Variants in TFEB observed in about 807,000 individuals in gnomAD.
The protein encoded by TFEB is transcription factor EB.
In TFEB, 12 loss-of-function variants were observed where a neutral mutation model predicts 48.0. The observed-to-expected ratio is 0.25, with a 90% CI of 0.16 to 0.40. The LOEUF is 0.40. TFEB is among the 10% of genes least tolerant of loss of function. The probability of loss-of-function intolerance (pLI) is 1.00; values close to 1 mark genes in which losing one functional copy is unlikely to be tolerated. For missense variants in TFEB, 509 were observed against 640.3 expected, an observed-to-expected ratio of 0.79 and a Z score of 2.21; for synonymous variants, 244 against 261.4, an observed-to-expected ratio of 0.93 and a Z score of 0.64.
chr6:41,728,452 G>A (rs923496764), intron 1 of TFEB, among the ~76,000 whole-genome samples: 14 of 152,232 alleles, frequency 9.2e-5, no homozygotes, highest in Non-Finnish European at 1.6e-4. Context: ...CAAGGCAGCA[G>A]AAAGTGCACC....
chr6:41,732,965 C>A, intron 1 of TFEB: 1 of 985,478 alleles, frequency 1.0e-6, no homozygotes, highest in Non-Finnish European at 1.2e-6. Flanking sequence ...CTGTTGCCTG[C>A]AGAAACCGAG....
In TFEB at chr6:41,687,891, G is replaced by A. The variant is rs775462939; in HGVS notation, c.670+17C>T. On this transcript the variant is annotated intron_variant, in intron 5 of 8. Coordinates refer to ENST00000373033, the MANE Select transcript of TFEB (RefSeq NM_001271944.2). ...GAGTCGGGTATTCAAAGGCACAGGG[G>A]TAGAGGGAGGCAGTACCTGTGAGCT... 1 of 1,612,254 alleles carries A rather than the reference G, an allele frequency of 6.2e-7. No homozygotes were observed. The highest frequency in any genetic ancestry group is 8.5e-7 in the Non-Finnish European group (1 of 1,178,574).
chr6:41,734,422 G>A lies in TFEB; in HGVS notation c.-23+928C>T. ...GAAGCCGGAACCCCGCGCGGGGAGG[G>A]GGCCGAGCTGGCATCTGCCCGCTCC... On this transcript the variant is annotated intron_variant, in intron 1 of 8. Transcript: ENST00000373033. The surrounding 1 kb of genome is among the most constrained non-coding windows in gnomAD (Gnocchi z 4.0). 1 of 978,484 alleles carries A rather than the reference G, an allele frequency of 1.0e-6. No homozygotes were observed. Among genetic ancestry groups the A allele is most frequent in the Non-Finnish European group, 1.2e-6 (1 of 823,768 alleles). The allele number at this position is 978,484 out of a possible 1,614,324, so 60.6% of individuals were successfully genotyped here.
rs548671605 is a variant in TFEB at position 41,684,391 on chromosome 6, C to A, written c.*208G>T. On this transcript the variant is annotated 3_prime_UTR_variant, in exon 9 of 9. Coordinates refer to ENST00000373033, the MANE Select transcript of TFEB (RefSeq NM_001271944.2). ...GGCTGAAGGCCTCTTCCCACTGCGC[C>A]AGTCAAGAGGGCTGCCCTGGGGGTG... The A allele has an allele frequency of 8.4e-5, 42 of 499,782 alleles. No individual in the cohort carries two copies. The highest frequency in any genetic ancestry group is 7.9e-4 in the African/African-American group (40 of 50,330). The allele number at this position is 499,782 out of a possible 1,614,324, so 31.0% of individuals were successfully genotyped here. A position where few individuals can be genotyped will look rare whatever the true frequency, so the allele number is the denominator to read the frequency against.
intron 1 of TFEB, among the ~76,000 whole-genome samples, chr6:41,704,195 C>T (rs575766100): frequency 6.6e-6 from 1 of 152,330 alleles, no homozygotes; most frequent in Non-Finnish European, 1.5e-5. Context: ...GCCTCTGACC[C>T]CGCCTCCACC....
intron 1 of TFEB, among the ~76,000 whole-genome samples, chr6:41,722,942 G>T (rs954711850): frequency 3.3e-5 from 5 of 152,176 alleles, no homozygotes; most frequent in Admixed American, 3.3e-4. Flanking sequence ...TTACAGATGA[G>T]GAAGCAGAGG....
At position 41,691,502 on chromosome 6, in the gene TFEB, C is replaced by A. The variant is rs756330762; in HGVS notation, c.-22-267G>T. On this transcript the variant is annotated intron_variant, in intron 1 of 8. Coordinates refer to ENST00000373033, the MANE Select transcript of TFEB (RefSeq NM_001271944.2). The surrounding 1 kb of genome is among the most constrained non-coding windows in gnomAD (Gnocchi z 5.2). ...TTGGTAAATCCCAAACTCTAAGAGT[C>A]AACTTCCACTCCTCTCTGTGTCACG... The A allele has an allele frequency of 3.0e-6, 2 of 659,170 alleles. No individual in the cohort carries two copies. The highest frequency in any genetic ancestry group is 3.4e-5 in the South Asian group (2 of 59,370). 40.8% of individuals were successfully genotyped at this position (659,170 alleles called of 1,614,324 possible).
At position 41,724,200 on chromosome 6, in the gene TFEB, C is replaced by T. The variant is rs1771110829; in HGVS notation, c.-23+11150G>A. Among the ~76,000 whole-genome samples, 1 of 152,230 alleles carries T rather than the reference C, an allele frequency of 6.6e-6. No homozygotes were observed. The highest frequency in any genetic ancestry group is 2.4e-5 in the African/African-American group (1 of 41,458). On this transcript the variant is annotated intron_variant, in intron 1 of 8. Transcript: ENST00000373033. The surrounding 1 kb of genome is among the most constrained non-coding windows in gnomAD (Gnocchi z 4.4). ...TCAGTGGTTCCTCAGCCCCCCAGCA[C>T]TTTTTTAGCAGCCTGCCAAAGAGAC...
rs56059829 is a variant in TFEB, at chr6:41,697,408, C to CAAAAAAAAAAAAAAA, written c.-22-6188_-22-6174dup. Among the ~76,000 whole-genome samples, 451 of 63,310 alleles carry CAAAAAAAAAAAAAAA rather than the reference C, an allele frequency of 7.1e-3. 6 individuals carry two copies. The highest frequency in any genetic ancestry group is 0.013 in the African/African-American group (150 of 11,490). The allele number at this position is 63,310 out of a possible 152,430, so 41.5% of individuals were successfully genotyped here. The stretch of plus-strand genomic sequence containing the variant: ...GGGCAACAAGAGTGAAACTCCATCT[C>CAAAAAAAAAAAAAAA]AAAAAAAAAAAAAAAAAAAGAATGA... On this transcript the variant is annotated intron_variant, in intron 1 of 8. Coordinates refer to ENST00000373033, the MANE Select transcript of TFEB (RefSeq NM_001271944.2).
intron 1 of TFEB, 25 bp downstream of exon 1, chr6:41,735,325 C>A (rs1335660940): frequency 1.1e-5 from 11 of 984,876 alleles, no homozygotes; most frequent in Non-Finnish European, 1.3e-5. Context: ...CCTCCTCGTG[C>A]CTCTCGCTCC....
intron 1 of TFEB, among the ~76,000 whole-genome samples, chr6:41,706,912 G>A (rs1770253065): frequency 6.6e-6 from 1 of 152,020 alleles, no homozygotes; most frequent in Non-Finnish European, 1.5e-5. Flanking sequence ...ACCATAAGAA[G>A]CACTCTGCCT....
chr6:41,714,110 CGTGTGTGTGT>C (rs70987525), intron 1 of TFEB, among the ~76,000 whole-genome samples: 1 of 144,190 alleles, frequency 6.9e-6, no homozygotes, highest in African/African-American at 2.7e-5. Context: ...TGTGTGTGCA[CGTGTGTGTGT>C]GTGTGCGTGT....
intron 1 of TFEB, among the ~76,000 whole-genome samples, chr6:41,700,149 C>T (rs752703247): frequency 2.0e-4 from 31 of 152,174 alleles, no homozygotes; most frequent in Admixed American, 3.3e-4. Context: ...CTGACCAACC[C>T]CTATTTGTGA....
intron 1 of TFEB, among the ~76,000 whole-genome samples, chr6:41,696,661 T>C (rs1015531342): frequency 6.6e-6 from 1 of 152,130 alleles, no homozygotes; most frequent in Non-Finnish European, 1.5e-5. Context: ...GCCACTGCAC[T>C]CTAGCCTGGG....
chr6:41,735,889 G>A (rs1241297948), upstream of TFEB, among the ~76,000 whole-genome samples: 1 of 152,196 alleles, frequency 6.6e-6, no homozygotes, highest in Non-Finnish European at 1.5e-5. Context: ...CCCCTAAAAG[G>A]AACCTGCAGC....
intron 1 of TFEB, among the ~76,000 whole-genome samples, chr6:41,732,318 T>C (rs1771487140): frequency 6.6e-6 from 1 of 152,226 alleles, no homozygotes; most frequent in Non-Finnish European, 1.5e-5. Context: ...ATTCCAATCC[T>C]GTCACTTCCA....
intron 1 of TFEB, among the ~76,000 whole-genome samples, chr6:41,719,457 T>C (rs906260722): frequency 3.9e-5 from 6 of 152,198 alleles, no homozygotes; most frequent in Non-Finnish European, 2.9e-5. Flanking sequence ...GGTCTACCAC[T>C]TCTATTTCAC....
chr6:41,721,325 G>A lies in TFEB; in HGVS notation c.-23+14025C>T, dbSNP rs1057203044. On this transcript the variant is annotated intron_variant, in intron 1 of 8. Coordinates refer to ENST00000373033, the MANE Select transcript of TFEB (RefSeq NM_001271944.2). ...CTAATGCAGTGGCACCAAAGTTTTG[G>A]ACCATGGCTCACAGAAAAATATACT... Among the ~76,000 whole-genome samples, 4 of 151,414 alleles carry A rather than the reference G, an allele frequency of 2.6e-5. No homozygotes were observed. In the East Asian group the frequency reaches 7.7e-4, roughly 29 times the overall value.
At chr6:41,692,775 G>A (rs1769381699) in intron 1 of TFEB, among the ~76,000 whole-genome samples, 1 of 152,252 alleles carries the variant, frequency 6.6e-6, no homozygotes, top group Admixed American at 6.5e-5. Flanking sequence ...GGGCTCCTGA[G>A]TGTGTCCAGA....
Sources: gnomAD v4.1 joint callset for allele counts (sites outside exome capture counted in the v4.1 genomes callset) on GRCh38, gnomAD v4.1.1 for gene constraint, Gnocchi (gnomAD v3.1) non-coding constraint, MANE v1.5 for transcripts, NCBI Gene and HGNC (gene_info 2026-07-23, HGNC 2026-07-21) for gene names.